The following MAF variants were observed in gnomAD, a reference collection of about 807,000 sequenced individuals.
MAF encodes MAF bZIP transcription factor.
A neutral mutation model predicts 22.0 loss-of-function variants in MAF; 10 were observed. The observed-to-expected ratio is 0.45, with a 90% CI of 0.28 to 0.77. The LOEUF (loss-of-function observed/expected upper bound fraction) is 0.77, where lower values mean the gene tolerates loss of function less well. Among genes scored for constraint, MAF ranks in the 30% least tolerant of loss-of-function variants. The pLI, the probability that MAF is intolerant of heterozygous loss-of-function variation, is 0.12. For missense variants in MAF, 544 were observed against 548.4 expected (o/e 0.99, Z 0.08); for synonymous variants, 337 against 255.8 (o/e 1.32, Z -3.03).
At chr16:79,502,702 A>AATATAAATATAAATATAAATATATATAT in the MAF span, among the ~76,000 whole-genome samples, 1 of 86,484 alleles carries the variant, frequency 1.2e-5, no homozygotes, top group African/African-American at 8.1e-5. Flanking sequence ...TATAAATATA[A>AATATAAATATAAATATAAATATATATAT]ATATAAATAT....
chr16:79,478,763 G>T, the MAF span, among the ~76,000 whole-genome samples: 1 of 152,012 alleles, frequency 6.6e-6, no homozygotes, highest in South Asian at 2.1e-4. Flanking sequence ...TAGTCCACTT[G>T]GGCACCACCC....
chr16:79,252,269 C>A, the MAF span, among the ~76,000 whole-genome samples: 1 of 140,584 alleles, frequency 7.1e-6, no homozygotes. Context: ...ATGGGTGTGG[C>A]CATGTTCCAA....
the MAF span, among the ~76,000 whole-genome samples, chr16:79,535,694 T>C: frequency 6.7e-6 from 1 of 150,232 alleles, no homozygotes; most frequent in East Asian, 2.0e-4. Flanking sequence ...GTTCAAGCAG[T>C]TCTCCTGAGT....
the MAF span, among the ~76,000 whole-genome samples, chr16:79,447,891 C>CAAAAAAAAAA: frequency 1.5e-3 from 111 of 72,416 alleles, no homozygotes; most frequent in African/African-American, 4.1e-3. Context: ...GATTCCATCT[C>CAAAAAAAAAA]AAAAAAAAAA....
chr16:79,373,739 T>C, the MAF span, among the ~76,000 whole-genome samples: 2 of 152,064 alleles, frequency 1.3e-5, no homozygotes, highest in South Asian at 2.1e-4. Flanking sequence ...CCTCATCATG[T>C]GATGCCCTGA....
intron 1 of MAF, chr16:79,597,567 C>T (rs1033815446): frequency 9.8e-7 from 1 of 1,023,124 alleles, no homozygotes; most frequent in Non-Finnish European, 1.2e-6. Flanking sequence ...GGAATGCCTT[C>T]AGTGCATTGG....
the MAF span, among the ~76,000 whole-genome samples, chr16:79,239,031 C>A: frequency 1.3e-5 from 2 of 151,946 alleles, no homozygotes; most frequent in Admixed American, 1.3e-4. Flanking sequence ...GGTCTAAACA[C>A]CTCTCTAGAT....
At chr16:79,513,895 C>T in the MAF span, among the ~76,000 whole-genome samples, 31 of 152,226 alleles carry the variant, frequency 2.0e-4, no homozygotes, top group Middle Eastern at 3.4e-3. Flanking sequence ...CCAGTCTTTT[C>T]GGCACTGAAT....
At chr16:79,290,196 G>C in the MAF span, among the ~76,000 whole-genome samples, 3 of 152,146 alleles carry the variant, frequency 2.0e-5, no homozygotes, top group Admixed American at 1.3e-4. Flanking sequence ...AACCCCATGG[G>C]AGGGAAGCTA....
At chr16:79,261,111 G>C in the MAF span, among the ~76,000 whole-genome samples, 1 of 152,090 alleles carries the variant, frequency 6.6e-6, no homozygotes, top group African/African-American at 2.4e-5. Flanking sequence ...GAGGAAGCTG[G>C]CAGGATGGCC....
the MAF span, among the ~76,000 whole-genome samples, chr16:79,346,167 A>G: frequency 6.7e-6 from 1 of 150,080 alleles, no homozygotes; most frequent in Non-Finnish European, 1.5e-5. Flanking sequence ...TCCTAATGCT[A>G]TTCCTCCCCG....
the MAF span, among the ~76,000 whole-genome samples, chr16:79,251,449 G>C: frequency 6.6e-6 from 1 of 151,666 alleles, no homozygotes; most frequent in Admixed American, 6.6e-5. Flanking sequence ...CAGAGTAGCT[G>C]GGATTACAGG....
the MAF span, among the ~76,000 whole-genome samples, chr16:79,390,637 C>T: frequency 2.0e-5 from 3 of 152,148 alleles, no homozygotes; most frequent in Admixed American, 6.5e-5. Flanking sequence ...GTGCATTTAC[C>T]ACTCTGGATT....
At chr16:79,370,453 A>C in the MAF span, among the ~76,000 whole-genome samples, 1 of 152,208 alleles carries the variant, frequency 6.6e-6, no homozygotes, top group Non-Finnish European at 1.5e-5. Context: ...TCCCACAGTT[A>C]AGCTTACTCA....
chr16:79,494,829 T>A, the MAF span, among the ~76,000 whole-genome samples: 6 of 152,200 alleles, frequency 3.9e-5, no homozygotes, highest in Non-Finnish European at 8.8e-5. Context: ...CTGGGACATC[T>A]GACAAACTGG....
At chr16:79,276,821 C>G in the MAF span, among the ~76,000 whole-genome samples, 1 of 152,160 alleles carries the variant, frequency 6.6e-6, no homozygotes. Flanking sequence ...CCCCACAGTT[C>G]TGGAGGCCAG....
chr16:79,223,900 G>C, the MAF span, among the ~76,000 whole-genome samples: 1 of 152,302 alleles, frequency 6.6e-6, no homozygotes, highest in East Asian at 1.9e-4. Flanking sequence ...TCCAGGACCA[G>C]AGGGATTCAA....
the MAF span, among the ~76,000 whole-genome samples, chr16:79,299,203 C>T: frequency 6.6e-6 from 1 of 152,158 alleles, no homozygotes; most frequent in Non-Finnish European, 1.5e-5. Flanking sequence ...TGGCTAAAAG[C>T]TGTGACCAGG....
chr16:79,408,062 T>A, the MAF span, among the ~76,000 whole-genome samples: 29 of 133,154 alleles, frequency 2.2e-4, no homozygotes, highest in African/African-American at 8.0e-4. Flanking sequence ...CTACATGTAT[T>A]TGGCTTTTTA....
Sources: gnomAD v4.1 joint callset for allele counts (sites outside exome capture counted in the v4.1 genomes callset) on GRCh38, gnomAD v4.1.1 for gene constraint, MANE v1.5 for transcripts, NCBI Gene and HGNC (gene_info 2026-07-23, HGNC 2026-07-21) for gene names.